The following CORO1C variants were observed in gnomAD, a reference collection of about 807,000 sequenced individuals.
CORO1C encodes the protein coronin 1C, also known as coronin-1C.
A neutral mutation model predicts 51.2 loss-of-function variants in CORO1C; 14 were observed. The observed-to-expected ratio is 0.27, with a 90% CI of 0.18 to 0.43. The LOEUF (loss-of-function observed/expected upper bound fraction) is 0.43, where lower values mean the gene tolerates loss of function less well. Among genes scored for constraint, CORO1C ranks in the 20% least tolerant of loss-of-function variants. CORO1C has a pLI of 1.00. For synonymous variants in CORO1C, 181 were observed against 210.5 expected (o/e 0.86, Z 1.21); for missense variants, 417 against 607.8 (o/e 0.69, Z 3.30).
intron 8 of CORO1C, chr12:108,652,055 C>CTTTTTTTTTTTTTTTTTTTT (rs202228272): frequency 2.8e-5 from 4 of 142,370 alleles, no homozygotes; most frequent in Non-Finnish European, 5.0e-5. Context: ...TTTTTCTTTT[C>CTTTTTTTTTTTTTTTTTTTT]TTTTTTTTTT....
At chr12:108,693,960 C>A (rs150155334) in intron 2 of CORO1C, among the ~76,000 whole-genome samples, 21 of 152,142 alleles carry the variant, frequency 1.4e-4, no homozygotes, top group Non-Finnish European at 2.8e-4. Flanking sequence ...GCACAAAGCA[C>A]CCCCCTGGAG....
chr12:108,669,815 C>T (rs2033646191), intron 3 of CORO1C, among the ~76,000 whole-genome samples: 1 of 151,930 alleles, frequency 6.6e-6, no homozygotes, highest in African/African-American at 2.4e-5. Context: ...GAAGATCAAA[C>T]ATTTCTTTAA....
chr12:108,722,590 C>T (rs918121589), intron 1 of CORO1C, among the ~76,000 whole-genome samples: 7 of 152,216 alleles, frequency 4.6e-5, no homozygotes, highest in African/African-American at 1.4e-4. Flanking sequence ...TCAGTCTAGG[C>T]TGGGAACGTA....
At chr12:108,679,109 CAA>C (rs1183326267) in intron 2 of CORO1C, among the ~76,000 whole-genome samples, 3 of 22,158 alleles carry the variant, frequency 1.4e-4, no homozygotes, top group Admixed American at 5.8e-4. Context: ...GACTCTGTCT[CAA>C]AAAAAAAAAA....
At chr12:108,719,235 G>T (rs2035415883) in intron 1 of CORO1C, among the ~76,000 whole-genome samples, 1 of 152,056 alleles carries the variant, frequency 6.6e-6, no homozygotes. Context: ...TAAGTAGAAG[G>T]CCAGCAAAAA....
At chr12:108,648,190 T>C (rs1193076652) in intron 10 of CORO1C, among the ~76,000 whole-genome samples, 1 of 152,064 alleles carries the variant, frequency 6.6e-6, no homozygotes, top group Non-Finnish European at 1.5e-5. Flanking sequence ...TGCCACTCCC[T>C]CCTTCCAGGG....
chr12:108,723,251 C>T (rs1278022322), intron 1 of CORO1C, among the ~76,000 whole-genome samples: 3 of 152,216 alleles, frequency 2.0e-5, no homozygotes, highest in Admixed American at 6.5e-5. Flanking sequence ...GTCCCCACTC[C>T]AGCCACATTT....
intron 1 of CORO1C, chr12:108,701,669 C>G (rs2034875933): frequency 8.2e-6 from 2 of 245,086 alleles, no homozygotes; most frequent in South Asian, 1.1e-4. Flanking sequence ...TCAACCCTTC[C>G]CCTTTTACAG....
Position 108,658,487 on chromosome 12 carries a change from C to G in CORO1C, c.630+251G>C, listed in dbSNP as rs911662919. ...ATAAACTCTTAAGGACTCTAGTGAACTGATACAAACTATTTCTTTGTGAAA... is the reference window on the plus strand; with the variant it reads ...ATAAACTCTTAAGGACTCTAGTGAAGTGATACAAACTATTTCTTTGTGAAA... On this transcript the variant is annotated intron_variant, in intron 5 of 10. Coordinates refer to ENST00000261401, the MANE Select transcript of CORO1C (RefSeq NM_014325.4). This position sits in a 1 kb window ranked among gnomAD's most constrained non-coding sequence, Gnocchi z 4.9. 1.2e-4 allele frequency among the ~76,000 whole-genome samples: 18 copies of G among 152,206 alleles called. No individual in the cohort carries two copies. Among genetic ancestry groups the G allele is most frequent in the Admixed American group, 3.9e-4 (6 of 15,284 alleles).
intron 8 of CORO1C, among the ~76,000 whole-genome samples, chr12:108,650,824 T>C (rs1373832420): frequency 6.6e-6 from 1 of 152,268 alleles, no homozygotes; most frequent in African/African-American, 2.4e-5. Flanking sequence ...TTGGATGTAA[T>C]CATAAATTTG....
chr12:108,697,838 T>C (rs1211258667), intron 2 of CORO1C, among the ~76,000 whole-genome samples: 3 of 152,228 alleles, frequency 2.0e-5, no homozygotes, highest in Non-Finnish European at 2.9e-5. Flanking sequence ...TAATCGTATA[T>C]GAAGACTCAC....
At chr12:108,694,409 T>G (rs1451580561) in intron 2 of CORO1C, among the ~76,000 whole-genome samples, 3 of 152,114 alleles carry the variant, frequency 2.0e-5, no homozygotes, top group Non-Finnish European at 4.4e-5. Flanking sequence ...TCACAAACAT[T>G]TAAGCAATAG....
intron 3 of CORO1C, among the ~76,000 whole-genome samples, chr12:108,672,627 TCA>T (rs770089022): frequency 6.6e-6 from 1 of 150,562 alleles, no homozygotes; most frequent in East Asian, 1.9e-4. Context: ...TTATTGCACT[TCA>T]CAGATATTGT....
Position 108,658,274 on chromosome 12 carries a change from G to A in CORO1C, c.630+464C>T, listed in dbSNP as rs2033110755. On this transcript the variant is annotated intron_variant, in intron 5 of 10. Transcript: ENST00000261401. This position sits in a 1 kb window ranked among gnomAD's most constrained non-coding sequence, Gnocchi z 4.9. ...TTGGCCAGGCTGGTCTCAAACTCCTGACCTCAAATGATCCACCCACCTCGG... is the reference window on the plus strand; with the variant it reads ...TTGGCCAGGCTGGTCTCAAACTCCTAACCTCAAATGATCCACCCACCTCGG... Among the ~76,000 whole-genome samples, 1 of 152,144 alleles carries A rather than the reference G, an allele frequency of 6.6e-6. No individual in the cohort carries two copies. The highest frequency in any genetic ancestry group is 6.5e-5 in the Admixed American group (1 of 15,284).
chr12:108,712,669 T>C (rs768519524), intron 1 of CORO1C, among the ~76,000 whole-genome samples: 14 of 147,708 alleles, frequency 9.5e-5, no homozygotes, highest in Admixed American at 5.4e-4. Context: ...AAAGCAAATA[T>C]AGGAGGTACT....
At chr12:108,714,649 C>T (rs1249838269) in intron 1 of CORO1C, among the ~76,000 whole-genome samples, 5 of 151,774 alleles carry the variant, frequency 3.3e-5, no homozygotes, top group African/African-American at 1.2e-4. Context: ...GTGGTCCCAG[C>T]TACTCAGGAG....
intron 2 of CORO1C, among the ~76,000 whole-genome samples, chr12:108,694,032 C>T (rs369954232): frequency 3.9e-4 from 60 of 152,252 alleles, no homozygotes; most frequent in African/African-American, 1.4e-3. Flanking sequence ...TGGTGGCTCA[C>T]GCCTGTAATC....
intron 2 of CORO1C, among the ~76,000 whole-genome samples, chr12:108,683,135 A>T (rs1326447529): frequency 1.3e-5 from 2 of 152,218 alleles, no homozygotes; most frequent in African/African-American, 4.8e-5. Context: ...TTATTAGAAA[A>T]GATGCCAGGT....
At chr12:108,647,877 T>G (rs748910105) in intron 10 of CORO1C, among the ~76,000 whole-genome samples, 5 of 152,156 alleles carry the variant, frequency 3.3e-5, no homozygotes, top group Non-Finnish European at 7.4e-5. Flanking sequence ...ACCCCAATCA[T>G]TCCATCAAGA....
Sources: gnomAD v4.1 joint callset for allele counts (sites outside exome capture counted in the v4.1 genomes callset) on GRCh38, gnomAD v4.1.1 for gene constraint, Gnocchi (gnomAD v3.1) non-coding constraint, MANE v1.5 for transcripts, NCBI Gene and HGNC (gene_info 2026-07-23, HGNC 2026-07-21) for gene names.